RNF31: variants seen among roughly 807,000 people sequenced by gnomAD.
The protein encoded by RNF31 is E3 ubiquitin-protein ligase RNF31.
RNF31 carries 38 observed loss-of-function variants against 133.6 expected under a neutral mutation model. The observed-to-expected ratio is 0.28, with a 90% CI of 0.22 to 0.37. The LOEUF (loss-of-function observed/expected upper bound fraction) is 0.37, where lower values mean the gene tolerates loss of function less well. Among genes scored for constraint, RNF31 ranks in the 10% least tolerant of loss-of-function variants. The pLI is 1.00. For synonymous variants in RNF31, 582 were observed against 552.3 expected (o/e 1.05, Z -0.75); for missense variants, 1,118 against 1,394.1 (o/e 0.80, Z 3.15).
chr14:24,149,967 T>G, intron 6 of RNF31, 94 bp from the exon 7 acceptor site: 3 of 1,424,212 alleles, frequency 2.1e-6, no homozygotes, highest in Non-Finnish European at 2.8e-6. Flanking sequence ...GCCAGTGACA[T>G]GAGTTGTTAC....
At position 24,150,164 on chromosome 14, in the gene RNF31, C is replaced by T; in HGVS notation, c.913C>T (p.His305Tyr). ...TCCTGCAAGTGCTCATTTGCCCTGGCACTGTGCTGCCTGTGCCATGCTAAA... is the reference window on the plus strand; with the variant it reads ...TCCTGCAAGTGCTCATTTGCCCTGGTACTGTGCTGCCTGTGCCATGCTAAA... ...PNPASAHLPW[H>Y]CAACAMLNEP... Residue 305 changes from histidine (H) to tyrosine (Y), a missense_variant, in exon 7 of 21, where the codon CAC (histidine) becomes TAC (tyrosine). Coordinates refer to ENST00000324103, the MANE Select transcript of RNF31 (RefSeq NM_017999.5). The T allele has an allele frequency of 3.1e-6, 5 of 1,614,116 alleles. No homozygotes were observed. Among genetic ancestry groups the T allele is most frequent in the Non-Finnish European group, 4.2e-6 (5 of 1,179,982 alleles).
At chr14:24,158,781 A>C (rs544480208) in intron 18 of RNF31, 1 of 152,480 alleles carries the variant, frequency 6.6e-6, no homozygotes, top group South Asian at 2.1e-4. Context: ...TCATGCCTGT[A>C]ATCCCAGCAC....
At chr14:24,148,197 G>C in intron 2 of RNF31, 61 bp from the exon 3 acceptor site, 2 of 1,613,112 alleles carry the variant, frequency 1.2e-6, no homozygotes, top group Non-Finnish European at 1.7e-6. Context: ...TGAATGGGAA[G>C]GGGTCCAGCC....
chr14:24,158,127 GTC>G lies in RNF31; in HGVS notation c.2842-10_2842-9del, dbSNP rs1321266367. The G allele has an allele frequency of 2.5e-6, 4 of 1,614,232 alleles. No homozygotes were observed. Among genetic ancestry groups the G allele is most frequent in the Non-Finnish European group, 3.4e-6 (4 of 1,180,014 alleles). Reference sequence around the variant, plus strand: ...ATCAAGGGGAATGTAACACCCATCTGTCTCTCCTCCTCAGGACAATAACGTCA... The same window carrying G: ...ATCAAGGGGAATGTAACACCCATCTGTCTCCTCCTCAGGACAATAACGTCA... On this transcript the variant is annotated splice_polypyrimidine_tract_variant and intron_variant, in intron 17 of 20. Transcript: ENST00000324103.
intron 3 of RNF31, 83 bp downstream of exon 3, chr14:24,148,496 G>A (rs370707827): frequency 1.9e-6 from 3 of 1,607,808 alleles, no homozygotes; most frequent in African/African-American, 2.7e-5. Flanking sequence ...GAGGACCCCC[G>A]TGCTGCTGAA....
chr14:24,155,153 C>T lies in RNF31; in HGVS notation c.2131-4C>T. 6.2e-7 allele frequency: 1 copy of T among 1,613,546 alleles called. No homozygotes were observed. The highest frequency in any genetic ancestry group is 1.1e-5 in the South Asian group (1 of 91,058). On this transcript the variant is annotated splice_region_variant and splice_polypyrimidine_tract_variant and intron_variant, in intron 11 of 20. Transcript: ENST00000324103. The surrounding 1 kb of genome is among the most constrained non-coding windows in gnomAD (Gnocchi z 4.9). Reference sequence around the variant, plus strand: ...CCCCTCCCCTCCAACCCCTCACCCTCCAGATGCAGGCCCTGACTTCCTGTG... The same window carrying T: ...CCCCTCCCCTCCAACCCCTCACCCTTCAGATGCAGGCCCTGACTTCCTGTG...
rs2038377557 is a variant in RNF31, at chr14:24,158,286, G to A, written c.2899+87G>A. On this transcript the variant is annotated intron_variant, in intron 18 of 20. Coordinates refer to ENST00000324103, the MANE Select transcript of RNF31 (RefSeq NM_017999.5). ...GGGTAAAGGGGAGGCTTGGGTCTGGGGTCACTTGTTGCATGCCCTTTGGCA... is the reference window on the plus strand; with the variant it reads ...GGGTAAAGGGGAGGCTTGGGTCTGGAGTCACTTGTTGCATGCCCTTTGGCA... 1.2e-5 allele frequency: 16 copies of A among 1,316,970 alleles called. No individual in the cohort carries two copies. The South Asian group carries it at 1.8e-4, about 15-fold the overall frequency. The allele number at this position is 1,316,970 out of a possible 1,614,324, so 81.6% of individuals were successfully genotyped here.
In RNF31 at chr14:24,159,934, T is replaced by C. The variant is rs1003847390; in HGVS notation, c.2970T>C (p.Thr990=). ...GGGACGAAGCTTGTGGCAAGGAAACTCCAGCTGGCTATGCCGGCCTGTGCC... is the reference window on the plus strand; with the variant it reads ...GGGACGAAGCTTGTGGCAAGGAAACCCCAGCTGGCTATGCCGGCCTGTGCC... ...GLRDEACGKE[T]PAGYAGLCQA... The change falls in exon 19 of 21, where the codon ACT becomes ACC. Residue 990 remains threonine (T), a synonymous_variant. Coordinates refer to ENST00000324103, the MANE Select transcript of RNF31 (RefSeq NM_017999.5). 6.2e-7 allele frequency: 1 copy of C among 1,613,990 alleles called. No homozygotes were observed. Among genetic ancestry groups the C allele is most frequent in the East Asian group, 2.2e-5 (1 of 44,892 alleles).
intron 11 of RNF31, among the ~76,000 whole-genome samples, 174 bp downstream of exon 11, chr14:24,152,166 A>G (rs993928804): frequency 3.9e-5 from 6 of 152,060 alleles, no homozygotes; most frequent in African/African-American, 1.4e-4. Context: ...TTTTAAAACA[A>G]TGTTCTATTA....
Position 24,149,531 on chromosome 14 carries a change from C to A in RNF31, c.757C>A (p.His253Asn). 2 of 1,614,168 alleles carry A rather than the reference C, an allele frequency of 1.2e-6. No homozygotes were observed. Among genetic ancestry groups the A allele is most frequent in the Non-Finnish European group, 8.5e-7 (1 of 1,180,024 alleles). The part of the protein sequence containing the change: ...LFHGHPSRAH[H>N]LRQTLPGVLQ... ...CCATGGACACCCATCCCGTGCTCATCACCTCCGCCAGACCCTGCCTGGGGT... is the reference window on the plus strand; with the variant it reads ...CCATGGACACCCATCCCGTGCTCATAACCTCCGCCAGACCCTGCCTGGGGT... Residue 253 changes from histidine to asparagine, a missense_variant, in exon 6 of 21, where the codon CAC (histidine) becomes AAC (asparagine). His to Asn is a moderately conservative substitution (Grantham distance 68). This residue lies in a region of RNF31 where 747 missense variants were observed against 827.9 expected (regional missense o/e 0.90). Transcript: ENST00000324103.
intron 18 of RNF31, among the ~76,000 whole-genome samples, chr14:24,159,427 C>CTT (rs1165207336): frequency 1.3e-5 from 2 of 150,892 alleles, no homozygotes; most frequent in Non-Finnish European, 2.9e-5. Flanking sequence ...AATCCCAGCA[C>CTT]TTTGGGAGGC....
At position 24,157,305 on chromosome 14, in the gene RNF31, C is replaced by G. The variant is rs969934659; in HGVS notation, c.2509C>G (p.Arg837Gly). 2 of 1,608,286 alleles carry G rather than the reference C, an allele frequency of 1.2e-6. No homozygotes were observed. The highest frequency in any genetic ancestry group is 1.7e-6 in the Non-Finnish European group (2 of 1,175,640). ...RCKRQWEEQHRGRSCEDFQNW... is the reference protein window; with the variant it reads ...RCKRQWEEQHGGRSCEDFQNW... ...CCTCTGGCAGTGGGAGGAGCAGCAC[C>G]GAGGTCGGAGCTGTGAGGACTTCCA... Residue 837 changes from arginine to glycine, a missense_variant, in exon 15 of 21, where the codon CGA (arginine) becomes GGA (glycine). This residue lies in a region of RNF31 where 201 missense variants were observed against 371.7 expected (regional missense o/e 0.54). Transcript: ENST00000324103.
chr14:24,146,883 G>A (rs2038172605), upstream of RNF31: 1 of 513,998 alleles, frequency 1.9e-6, no homozygotes. Flanking sequence ...TTATAGCTAG[G>A]GCCAACTGGA....
chr14:24,147,537 G>A lies in RNF31; in HGVS notation c.-162G>A, dbSNP rs1349589430. The A allele has an allele frequency of 3.8e-6, 2 of 529,608 alleles. No homozygotes were observed. The highest frequency in any genetic ancestry group is 3.0e-6 in the Non-Finnish European group (1 of 331,332). 32.8% of individuals were successfully genotyped at this position (529,608 alleles called of 1,614,324 possible). A position where few individuals can be genotyped will look rare whatever the true frequency, so the allele number is the denominator to read the frequency against. ...TCTCGGCTAACCCTGGCGCTGGGCC[G>A]GGGGCTGGAGAGTGACCGTGGTCTG... On this transcript the variant is annotated 5_prime_UTR_variant, in exon 1 of 21. Transcript: ENST00000324103.
upstream of RNF31, chr14:24,147,299 G>C (rs954808461): frequency 1.1e-5 from 2 of 185,728 alleles, no homozygotes; most frequent in Non-Finnish European, 2.2e-5. Context: ...ACCAGATTGG[G>C]GGAAGGCGGG....
chr14:24,157,962 T>G lies in RNF31; in HGVS notation c.2792T>G (p.Leu931Arg). ...CACGGCCACCACCCTCGAGACTGCC[T>G]CTTCTACCTGCGGGACTGGACTGCT... ...SLHGHHPRDC[L>R]FYLRDWTALR... Residue 931 changes from leucine to arginine, a missense_variant, in exon 17 of 21, where the codon CTC becomes CGC. Physicochemically the swap from Leu to Arg is moderately radical, Grantham distance 102 (BLOSUM62 -2). Around this residue, in one of 3 missense-constraint regions of RNF31, gnomAD observed 170 missense variants for 194.5 expected, o/e 0.87. Coordinates refer to ENST00000324103, the MANE Select transcript of RNF31 (RefSeq NM_017999.5). 6.2e-7 allele frequency: 1 copy of G among 1,614,166 alleles called. No homozygotes were observed. The highest frequency in any genetic ancestry group is 8.5e-7 in the Non-Finnish European group (1 of 1,180,026).
At position 24,157,879 on chromosome 14, in the gene RNF31, C is replaced by T. The variant is rs2038369948; in HGVS notation, c.2728-19C>T. On this transcript the variant is annotated intron_variant, in intron 16 of 20. Transcript: ENST00000324103. Reference sequence around the variant, plus strand: ...CCAACAGTCTCCAACTTCCTCTCTCCCATCTGGGTTTCTGCCAGAAATGTC... The same window carrying T: ...CCAACAGTCTCCAACTTCCTCTCTCTCATCTGGGTTTCTGCCAGAAATGTC... 6.2e-7 allele frequency: 1 copy of T among 1,604,234 alleles called. No homozygotes were observed. The highest frequency in any genetic ancestry group is 1.3e-5 in the African/African-American group (1 of 74,716).
chr14:24,159,712 C>T (rs922136441), intron 18 of RNF31, 152 bp from the exon 19 acceptor site: 1 of 644,952 alleles, frequency 1.6e-6, no homozygotes, highest in African/African-American at 1.8e-5. Flanking sequence ...GACGGCACCT[C>T]TGAGTACCCA....
intron 11 of RNF31, among the ~76,000 whole-genome samples, chr14:24,154,308 C>T (rs1164078700): frequency 6.6e-6 from 1 of 152,226 alleles, no homozygotes; most frequent in Non-Finnish European, 1.5e-5. Flanking sequence ...CAGGCATGCG[C>T]CACCACACTT....
Sources: allele counts gnomAD v4.1 joint callset (sites outside exome capture counted in the v4.1 genomes callset), GRCh38; gene constraint gnomAD v4.1.1; regional missense constraint gnomAD v4.1.1; non-coding constraint Gnocchi (gnomAD v3.1); transcripts MANE v1.5; gene names NCBI Gene and HGNC (gene_info 2026-07-23, HGNC 2026-07-21).